Variants in ITPK1 observed in about 807,000 individuals in gnomAD.
ITPK1 encodes the protein inositol 1,3,4-trisphosphate 5/6-kinase.
Under a neutral mutation model 45.3 loss-of-function variants are expected in ITPK1, and 21 were observed. That is an observed-to-expected ratio of 0.46 (90% CI 0.33 to 0.67). The LOEUF (loss-of-function observed/expected upper bound fraction) is 0.67, where lower values mean the gene tolerates loss of function less well. ITPK1 is among the 30% of genes least tolerant of loss of function. ITPK1 has a pLI of 0.02. For synonymous variants in ITPK1, 258 were observed against 253.6 expected (o/e 1.02, Z -0.16); for missense variants, 474 against 573.5 (o/e 0.83, Z 1.77).
intron 4 of ITPK1, 57 bp from the exon 5 acceptor site, chr14:92,994,054 A>C (rs894898073): frequency 1.4e-5 from 15 of 1,108,496 alleles, no homozygotes; most frequent in Non-Finnish European, 1.8e-5. Flanking sequence ...GTAGCAACTC[A>C]CCCCTCGCGC....
At chr14:93,084,216 C>G (rs893346400) in intron 2 of ITPK1, among the ~76,000 whole-genome samples, 1 of 152,232 alleles carries the variant, frequency 6.6e-6, no homozygotes, top group African/African-American at 2.4e-5. Flanking sequence ...TGAGTGGCGA[C>G]GAAGCCAGGC....
chr14:93,054,013 A>C (rs1890126820), intron 3 of ITPK1, among the ~76,000 whole-genome samples: 1 of 152,196 alleles, frequency 6.6e-6, no homozygotes, highest in South Asian at 2.1e-4. Context: ...GGAAGCGAAG[A>C]GCAAAGGCTT....
intron 4 of ITPK1, among the ~76,000 whole-genome samples, chr14:93,003,229 G>C (rs896643397): frequency 1.3e-5 from 2 of 152,198 alleles, no homozygotes; most frequent in African/African-American, 4.8e-5. Flanking sequence ...GCCTCTCCCT[G>C]GGAGGTCAGG....
chr14:93,095,883 T>C (rs1180363314), intron 2 of ITPK1, among the ~76,000 whole-genome samples: 1 of 152,158 alleles, frequency 6.6e-6, no homozygotes, highest in African/African-American at 2.4e-5. Flanking sequence ...TTGCTTAGGA[T>C]AATGGCCTCC....
rs372318283 is a variant in ITPK1 at position 93,030,159 on chromosome 14, G to A, written c.121-13358C>T. Among the ~76,000 whole-genome samples, 10 of 152,336 alleles carry A rather than the reference G, an allele frequency of 6.6e-5. No individual in the cohort carries two copies. In the East Asian group the frequency reaches 9.6e-4, roughly 15 times the overall value. On this transcript the variant is annotated intron_variant, in intron 3 of 10. Transcript: ENST00000267615. ...ACTGAGGGTGTGAGAGCGGCACCCC[G>A]CATTTACACTCAGTAGAGCTGACTG...
At chr14:93,096,331 G>A (rs937607098) in intron 2 of ITPK1, among the ~76,000 whole-genome samples, 2 of 152,182 alleles carry the variant, frequency 1.3e-5, no homozygotes, top group Non-Finnish European at 2.9e-5. Flanking sequence ...TCATATCACT[G>A]TCATCACTTC....
intron 5 of ITPK1, among the ~76,000 whole-genome samples, chr14:92,973,757 G>C (rs1702921329): frequency 6.6e-6 from 1 of 152,242 alleles, no homozygotes; most frequent in African/African-American, 2.4e-5. Context: ...GCACAGGCCT[G>C]AGCCAGGAGG....
At chr14:92,956,378 C>T (rs571490850) in intron 8 of ITPK1, among the ~76,000 whole-genome samples, 22 of 151,960 alleles carry the variant, frequency 1.4e-4, no homozygotes, top group African/African-American at 5.3e-4. Context: ...AATCTTCCCA[C>T]CTTGGTCTCT....
At chr14:93,066,549 C>T (rs1404976700) in intron 3 of ITPK1, among the ~76,000 whole-genome samples, 2 of 151,904 alleles carry the variant, frequency 1.3e-5, no homozygotes, top group African/African-American at 4.8e-5. Context: ...GGACTACAGG[C>T]ACCTGCCACC....
At chr14:93,020,683 C>A (rs1323864617) in intron 3 of ITPK1, among the ~76,000 whole-genome samples, 1 of 152,164 alleles carries the variant, frequency 6.6e-6, no homozygotes, top group African/African-American at 2.4e-5. Flanking sequence ...GCTGCTCTTC[C>A]CCCACGGTAT....
intron 4 of ITPK1, among the ~76,000 whole-genome samples, chr14:93,006,668 G>A (rs1887630724): frequency 6.6e-6 from 1 of 151,716 alleles, no homozygotes; most frequent in African/African-American, 2.4e-5. Flanking sequence ...CCACGGCTGG[G>A]AGAAACCACA....
At chr14:93,055,713 T>C (rs921652715) in intron 3 of ITPK1, among the ~76,000 whole-genome samples, 1 of 152,260 alleles carries the variant, frequency 6.6e-6, no homozygotes, top group Middle Eastern at 3.4e-3. Flanking sequence ...GACCCATCCT[T>C]ATCCGGTCCT....
At chr14:92,986,982 G>A (rs1886516756) in intron 5 of ITPK1, among the ~76,000 whole-genome samples, 1 of 152,192 alleles carries the variant, frequency 6.6e-6, no homozygotes, top group Non-Finnish European at 1.5e-5. Flanking sequence ...CTGCTGCCCT[G>A]TCCACAGTGC....
At chr14:92,992,032 G>A (rs116079952) in intron 5 of ITPK1, among the ~76,000 whole-genome samples, 148 of 152,300 alleles carry the variant, frequency 9.7e-4, no homozygotes, top group African/African-American at 3.3e-3. Flanking sequence ...CCGAGACCAC[G>A]TGGCTAACAA....
At chr14:93,075,994 T>C (rs1029908205) in intron 3 of ITPK1, among the ~76,000 whole-genome samples, 1 of 152,116 alleles carries the variant, frequency 6.6e-6, no homozygotes, top group Non-Finnish European at 1.5e-5. Flanking sequence ...ACATAGAGTC[T>C]GAGAGTATTT....
intron 5 of ITPK1, among the ~76,000 whole-genome samples, chr14:92,972,711 C>T (rs1358602702): frequency 6.6e-6 from 1 of 152,186 alleles, no homozygotes; most frequent in Non-Finnish European, 1.5e-5. Context: ...CTGCCTCAGC[C>T]TCCCAAGTAG....
intron 5 of ITPK1, among the ~76,000 whole-genome samples, chr14:92,984,027 C>T (rs1381968648): frequency 1.3e-5 from 2 of 152,150 alleles, no homozygotes; most frequent in Non-Finnish European, 2.9e-5. Context: ...TGTAAAATGA[C>T]CCTGTTTCTA....
chr14:92,953,778 C>T (rs980200206), intron 8 of ITPK1, among the ~76,000 whole-genome samples: 6 of 152,166 alleles, frequency 3.9e-5, no homozygotes, highest in African/African-American at 1.4e-4. Flanking sequence ...TCAGAGGGGC[C>T]GGCCAGTGTC....
chr14:93,023,592 TGGAAG>T (rs1566741167), intron 3 of ITPK1, among the ~76,000 whole-genome samples: 1 of 151,842 alleles, frequency 6.6e-6, no homozygotes, highest in Non-Finnish European at 1.5e-5. Flanking sequence ...AAAGGAAGGA[TGGAAG>T]GGAAGGGAAA....
Sources: gnomAD v4.1 joint callset for allele counts (sites outside exome capture counted in the v4.1 genomes callset) on GRCh38, gnomAD v4.1.1 for gene constraint, MANE v1.5 for transcripts, NCBI Gene and HGNC (gene_info 2026-07-23, HGNC 2026-07-21) for gene names.